SLC10A7: variants seen among roughly 807,000 people sequenced by gnomAD.
SLC10A7 encodes solute carrier family 10 member 7.
In SLC10A7, 29 loss-of-function variants were observed where a neutral mutation model predicts 43.2. That is an observed-to-expected ratio of 0.67 (90% CI 0.50 to 0.92). SLC10A7 has a LOEUF of 0.92. Ranked by LOEUF, SLC10A7 falls within the 40% of genes least tolerant of loss-of-function variation. The pLI, the probability that SLC10A7 is intolerant of heterozygous loss-of-function variation, is 0.00. For synonymous variants in SLC10A7, 152 were observed against 144.8 expected, an observed-to-expected ratio of 1.05 and a Z score of -0.35; for missense variants, 295 against 403.2, an observed-to-expected ratio of 0.73 and a Z score of 2.30.
rs1373983311 is a variant in SLC10A7 at position 146,364,137 on chromosome 4, TAAA to T, written c.436-38144_436-38142del. On this transcript the variant is annotated intron_variant, in intron 5 of 11. Coordinates refer to ENST00000335472, the MANE Select transcript of SLC10A7 (RefSeq NM_001029998.6). ...AAGAAAAAAAGAGAGAAGACCAAAA[TAAA>T]TAAGAGACAAAAAGGTTACATTACC... Among the ~76,000 whole-genome samples the T allele has an allele frequency of 5.6e-4, 23 of 41,226 alleles. 1 individual carries two copies. The highest frequency in any genetic ancestry group is 7.1e-4 in the Non-Finnish European group (14 of 19,610). The allele number at this position is 41,226 out of a possible 152,430, so 27.0% of individuals were successfully genotyped here. A position where few individuals can be genotyped will look rare whatever the true frequency, so the allele number is the denominator to read the frequency against.
intron 5 of SLC10A7, among the ~76,000 whole-genome samples, chr4:146,401,174 C>T (rs535692848): frequency 1.6e-4 from 24 of 152,218 alleles, no homozygotes; most frequent in East Asian, 5.8e-4. Context: ...GCTACTCTGA[C>T]GGCAGGCGAT....
In SLC10A7 at chr4:146,329,363, AAAT is replaced by A. The variant is rs578028693; in HGVS notation, c.436-3370_436-3368del. Among the ~76,000 whole-genome samples, 597 of 152,306 alleles carry A rather than the reference AAAT, an allele frequency of 3.9e-3. 2 individuals are homozygous for A. The highest frequency in any genetic ancestry group is 0.013 in the African/African-American group (547 of 41,554). ...AGTAAAGTCATCATGATTATTATTA[AAAT>A]AATAAAAACTAACATTTATGTAGTA... is the stretch of plus-strand genomic sequence containing the variant. On this transcript the variant is annotated intron_variant, in intron 5 of 11. Coordinates refer to ENST00000335472, the MANE Select transcript of SLC10A7 (RefSeq NM_001029998.6).
At position 146,297,654 on chromosome 4, in the gene SLC10A7, C is replaced by T. The variant is rs1361474889; in HGVS notation, c.556-3559G>A. Among the ~76,000 whole-genome samples, 3 of 152,254 alleles carry T rather than the reference C, an allele frequency of 2.0e-5. No homozygotes were observed. In the East Asian group the frequency reaches 5.8e-4, roughly 29 times the overall value. The stretch of plus-strand genomic sequence containing the variant: ...AGTTTGTTTCTTCAATTTTTATCCT[C>T]TATTGCACTAAATCCATATAGTTTC... On this transcript the variant is annotated intron_variant, in intron 7 of 11. Coordinates refer to ENST00000335472, the MANE Select transcript of SLC10A7 (RefSeq NM_001029998.6).
chr4:146,277,906 A>G (rs915042516), intron 10 of SLC10A7, among the ~76,000 whole-genome samples: 8 of 152,158 alleles, frequency 5.3e-5, no homozygotes, highest in African/African-American at 1.9e-4. Flanking sequence ...GGCCACATGG[A>G]GTATATGTTT....
At chr4:146,356,847 G>A (rs762454266) in intron 5 of SLC10A7, among the ~76,000 whole-genome samples, 54 of 152,134 alleles carry the variant, frequency 3.5e-4, no homozygotes, top group Non-Finnish European at 6.2e-4. Flanking sequence ...TGTGGAGCTG[G>A]AGTTTTAATC....
chr4:146,513,936 G>C (rs1737714181), intron 2 of SLC10A7: 1 of 152,170 alleles, frequency 6.6e-6, no homozygotes, highest in African/African-American at 2.4e-5. Context: ...TATGTAATAA[G>C]GTCAAAATCC....
chr4:146,483,461 C>T (rs1734659332), intron 4 of SLC10A7, among the ~76,000 whole-genome samples: 1 of 150,766 alleles, frequency 6.6e-6, no homozygotes, highest in African/African-American at 2.4e-5. Context: ...AAAAAAAAAA[C>T]CCTACATCAT....
At chr4:146,334,806 G>A (rs1733766204) in intron 5 of SLC10A7, among the ~76,000 whole-genome samples, 1 of 152,068 alleles carries the variant, frequency 6.6e-6, no homozygotes, top group African/African-American at 2.4e-5. Context: ...AATGCTTGAT[G>A]TTGGAAAGTT....
At chr4:146,347,487 G>A (rs11737121) in intron 5 of SLC10A7, among the ~76,000 whole-genome samples, 17,740 of 152,172 alleles carry the variant, frequency 0.12, 1,147 homozygotes, top group Non-Finnish European at 0.15. Context: ...TGTTACCAGT[G>A]CTGCTAAGTT....
intron 4 of SLC10A7, among the ~76,000 whole-genome samples, chr4:146,500,717 C>G (rs976512900): frequency 6.6e-6 from 1 of 152,134 alleles, no homozygotes; most frequent in Non-Finnish European, 1.5e-5. Context: ...AATACAACCT[C>G]ATTTCCCTTT....
At chr4:146,256,759 G>A in intron 11 of SLC10A7, 3 of 1,256,762 alleles carry the variant, frequency 2.4e-6, no homozygotes, top group Non-Finnish European at 1.1e-6. Context: ...GTTCCCCTGT[G>A]CACTAGATGG....
At chr4:146,290,232 G>C (rs2111170067) in intron 9 of SLC10A7, among the ~76,000 whole-genome samples, 1 of 149,738 alleles carries the variant, frequency 6.7e-6, no homozygotes, top group East Asian at 2.1e-4. Flanking sequence ...GCTGAGGCAG[G>C]AGAATGGCAT....
chr4:146,479,499 A>G (rs1284908661), intron 4 of SLC10A7, among the ~76,000 whole-genome samples: 1 of 152,178 alleles, frequency 6.6e-6, no homozygotes, highest in African/African-American at 2.4e-5. Context: ...TTGTGTTACA[A>G]TGGAATAAGC....
chr4:146,323,044 C>T (rs1732844437), intron 6 of SLC10A7, among the ~76,000 whole-genome samples: 1 of 152,076 alleles, frequency 6.6e-6, no homozygotes, highest in East Asian at 1.9e-4. Flanking sequence ...CTGTTGATAT[C>T]CTTTGCCCAC....
intron 5 of SLC10A7, among the ~76,000 whole-genome samples, chr4:146,390,146 C>A (rs1231713257): frequency 6.6e-6 from 1 of 152,140 alleles, no homozygotes; most frequent in South Asian, 2.1e-4. Flanking sequence ...ATATCTTACA[C>A]AGAATAATCA....
chr4:146,455,423 C>T (rs1211651982), intron 4 of SLC10A7, among the ~76,000 whole-genome samples: 1 of 151,812 alleles, frequency 6.6e-6, no homozygotes, highest in African/African-American at 2.4e-5. Flanking sequence ...GAAGTGCATC[C>T]ACAAAACCTA....
At chr4:146,342,263 T>C (rs1161260148) in intron 5 of SLC10A7, among the ~76,000 whole-genome samples, 1 of 151,812 alleles carries the variant, frequency 6.6e-6, no homozygotes, top group African/African-American at 2.4e-5. Context: ...GTATTTTATC[T>C]ATCTCTAAAT....
intron 11 of SLC10A7, among the ~76,000 whole-genome samples, chr4:146,258,024 A>T (rs1175239183): frequency 2.0e-5 from 3 of 152,170 alleles, no homozygotes; most frequent in African/African-American, 7.2e-5. Context: ...AATCACTGGG[A>T]AGGAGTCAGT....
intron 4 of SLC10A7, among the ~76,000 whole-genome samples, chr4:146,450,206 A>T (rs1178121281): frequency 6.6e-6 from 1 of 152,184 alleles, no homozygotes; most frequent in Non-Finnish European, 1.5e-5. Context: ...AAAAAGAAGA[A>T]AAAAGATGGT....
Sources: allele counts gnomAD v4.1 joint callset (sites outside exome capture counted in the v4.1 genomes callset), GRCh38; gene constraint gnomAD v4.1.1; transcripts MANE v1.5; gene names NCBI Gene and HGNC (gene_info 2026-07-23, HGNC 2026-07-21).